Variants in SLC20A2 observed in about 807,000 individuals in gnomAD.
SLC20A2 encodes the protein solute carrier family 20 member 2, also known as sodium-dependent phosphate transporter 2.
In SLC20A2, 30 loss-of-function variants were observed where a neutral mutation model predicts 61.0. The observed-to-expected ratio is 0.49, with a 90% CI of 0.37 to 0.67. SLC20A2 has a LOEUF of 0.67. Ranked by LOEUF, SLC20A2 falls within the 30% of genes least tolerant of loss-of-function variation. The pLI is 0.00. For missense variants in SLC20A2, 626 were observed against 866.4 expected (o/e 0.72, Z 3.48); for synonymous variants, 351 against 353.3 (o/e 0.99, Z 0.07).
intron 1 of SLC20A2, among the ~76,000 whole-genome samples, chr8:42,485,641 T>A (rs1266960195): frequency 8.4e-5 from 3 of 35,602 alleles, no homozygotes; most frequent in Non-Finnish European, 5.0e-5. Flanking sequence ...AAACTCCGTC[T>A]CAAAAAAAAA....
At chr8:42,431,996 AAC>A (rs1197766053) in intron 8 of SLC20A2, among the ~76,000 whole-genome samples, 1 of 152,258 alleles carries the variant, frequency 6.6e-6, no homozygotes, top group Non-Finnish European at 1.5e-5. Flanking sequence ...CCTGTCTGCA[AAC>A]ACAGCATCTG....
chr8:42,504,661 C>T (rs1586224997), upstream of SLC20A2, among the ~76,000 whole-genome samples: 1 of 150,774 alleles, frequency 6.6e-6, no homozygotes, highest in South Asian at 2.1e-4. Context: ...GACCAACATG[C>T]TGAAACCCTG....
At chr8:42,445,027 C>T (rs1805097571) in intron 5 of SLC20A2, among the ~76,000 whole-genome samples, 1 of 152,214 alleles carries the variant, frequency 6.6e-6, no homozygotes, top group Non-Finnish European at 1.5e-5. Context: ...CATGGCGGCT[C>T]ACACCTGTAA....
chr8:42,417,634 G>A lies in SLC20A2; in HGVS notation c.*169C>T, dbSNP rs549773266. 14 of 590,296 alleles carry A rather than the reference G, an allele frequency of 2.4e-5. No homozygotes were observed. The highest frequency in any genetic ancestry group is 2.3e-4 in the East Asian group (8 of 34,822). 36.6% of individuals were successfully genotyped at this position (590,296 alleles called of 1,614,324 possible). ...AGTTAGCTCGGGAAGGTGAGTCTCC[G>A]CAGCCTGGGTGAACAGTGTGGGATG... On this transcript the variant is annotated 3_prime_UTR_variant, in exon 11 of 11. Transcript: ENST00000520262.
chr8:42,447,343 C>T (rs1431439920), intron 5 of SLC20A2, among the ~76,000 whole-genome samples: 4 of 144,748 alleles, frequency 2.8e-5, no homozygotes, highest in Non-Finnish European at 6.0e-5. Flanking sequence ...GAGATCCTGC[C>T]TCAAAAAAAA....
chr8:42,448,147 C>T (rs1167573259), intron 5 of SLC20A2, among the ~76,000 whole-genome samples: 1 of 152,220 alleles, frequency 6.6e-6, no homozygotes, highest in Non-Finnish European at 1.5e-5. Context: ...GACGCCAACA[C>T]CGATCCCACG....
intron 8 of SLC20A2, among the ~76,000 whole-genome samples, chr8:42,434,331 C>T (rs1327699894): frequency 2.0e-5 from 3 of 152,104 alleles, no homozygotes; most frequent in African/African-American, 7.2e-5. Context: ...AGGTGATCCA[C>T]CTGCCTCGGC....
intron 5 of SLC20A2, among the ~76,000 whole-genome samples, chr8:42,445,146 G>T (rs1805111337): frequency 6.6e-6 from 1 of 151,754 alleles, no homozygotes; most frequent in East Asian, 2.0e-4. Flanking sequence ...TCAAAAATTA[G>T]CTGGGCGTGG....
chr8:42,452,250 GGAGGAGGAAGAGATA>G (rs1332754020), intron 5 of SLC20A2, among the ~76,000 whole-genome samples: 5 of 147,542 alleles, frequency 3.4e-5, no homozygotes, highest in East Asian at 2.1e-4. Context: ...GAAATGAAGT[GGAGGAGGAAGAGATA>G]GAGGAGGAAG....
chr8:42,522,049 T>G lies in SLC20A2; in HGVS notation c.-265+19772A>C, dbSNP rs953718869. Among the ~76,000 whole-genome samples, 720 of 121,338 alleles carry G rather than the reference T, an allele frequency of 5.9e-3. 217 individuals are homozygous for G. Among genetic ancestry groups the G allele is most frequent in the Non-Finnish European group, 0.011 (546 of 50,444 alleles). 79.6% of individuals were successfully genotyped at this position (121,338 alleles called of 152,430 possible). A position where few individuals can be genotyped will look rare whatever the true frequency, so the allele number is the denominator to read the frequency against. The stretch of plus-strand genomic sequence containing the variant: ...AAAAACAAAAAGTTTTTTAAAAGTT[T>G]GTGAAGAGGGTTGCCCATTTAGGAG... On this transcript the variant is annotated intron_variant, in intron 1 of 10. Coordinates refer to the SLC20A2 transcript ENST00000342228.
intron 3 of SLC20A2, among the ~76,000 whole-genome samples, chr8:42,465,494 C>T (rs1807083273): frequency 1.3e-5 from 2 of 151,728 alleles, no homozygotes; most frequent in African/African-American, 4.8e-5. Flanking sequence ...GAGATTAAGA[C>T]CATCCTGGCC....
chr8:42,519,099 A>C (rs1382473551), intron 1 of SLC20A2, among the ~76,000 whole-genome samples: 4 of 152,204 alleles, frequency 2.6e-5, no homozygotes, highest in Admixed American at 6.5e-5. Context: ...TGTTCCTGTT[A>C]GTTCAGTGGT....
chr8:42,417,157 T>C lies in SLC20A2; in HGVS notation c.*646A>G, dbSNP rs899309973. 1.3e-5 allele frequency: 2 copies of C among 152,778 alleles called. No homozygotes were observed. Among genetic ancestry groups the C allele is most frequent in the African/African-American group, 4.8e-5 (2 of 41,446 alleles). The allele number at this position is 152,778 out of a possible 1,614,324, so 9.5% of individuals were successfully genotyped here. ...AAAAAAGTATAAGGGAAGCACACCATTAAAAAATTACAGTTTTACGTATTT... is the reference window on the plus strand; with the variant it reads ...AAAAAAGTATAAGGGAAGCACACCACTAAAAAATTACAGTTTTACGTATTT... On this transcript the variant is annotated 3_prime_UTR_variant, in exon 11 of 11. Coordinates refer to ENST00000520262, the MANE Select transcript of SLC20A2 (RefSeq NM_001257180.2).
At chr8:42,524,536 C>T (rs1180403503) in intron 1 of SLC20A2, among the ~76,000 whole-genome samples, 1 of 152,014 alleles carries the variant, frequency 6.6e-6, no homozygotes, top group Non-Finnish European at 1.5e-5. Context: ...CCCTGTAATC[C>T]CAGCATTTTA....
intron 2 of SLC20A2, among the ~76,000 whole-genome samples, chr8:42,467,758 G>C (rs1807295500): frequency 6.6e-6 from 1 of 152,180 alleles, no homozygotes; most frequent in Admixed American, 6.5e-5. Flanking sequence ...CCCATATCAG[G>C]CTCCATGGCA....
At chr8:42,524,012 C>T (rs1203515036) in intron 1 of SLC20A2, among the ~76,000 whole-genome samples, 1 of 152,112 alleles carries the variant, frequency 6.6e-6, no homozygotes, top group Non-Finnish European at 1.5e-5. Context: ...CCTCGAAGAA[C>T]TCAAATAGGA....
At position 42,530,137 on chromosome 8, in the gene SLC20A2, G is replaced by A. The variant is rs1272714684; in HGVS notation, c.-265+11684C>T. ...GGGTCAAAAGAATGAATTTTTTCAG[G>A]TGAAAAATTTACCCAACCTAATTTA... On this transcript the variant is annotated intron_variant, in intron 1 of 10. Coordinates refer to the SLC20A2 transcript ENST00000342228. Among the ~76,000 whole-genome samples, 4 of 151,894 alleles carry A rather than the reference G, an allele frequency of 2.6e-5. No homozygotes were observed. The East Asian group carries it at 7.7e-4, about 29-fold the overall frequency.
intron 4 of SLC20A2, among the ~76,000 whole-genome samples, chr8:42,461,986 G>A (rs562970489): frequency 1.6e-3 from 249 of 152,320 alleles, no homozygotes; most frequent in African/African-American, 5.8e-3. Context: ...AGGCAACTAA[G>A]CAAGAAATGC....
rs1313031785 is a variant in SLC20A2 at position 42,416,685 on chromosome 8, G to A, written c.*1118C>T. On this transcript the variant is annotated 3_prime_UTR_variant, in exon 11 of 11. Coordinates refer to ENST00000520262, the MANE Select transcript of SLC20A2 (RefSeq NM_001257180.2). ...AGAGCCTGGGGGTGTCCAGCTTTGT[G>A]TGGGCCTCAGAGAAATACTCCATCC... is the stretch of plus-strand genomic sequence containing the variant. The A allele has an allele frequency of 6.6e-6, 1 of 152,626 alleles. No homozygotes were observed. Among genetic ancestry groups the A allele is most frequent in the Non-Finnish European group, 1.5e-5 (1 of 68,050 alleles). 9.5% of individuals were successfully genotyped at this position (152,626 alleles called of 1,614,324 possible).
Sources: allele counts gnomAD v4.1 joint callset (sites outside exome capture counted in the v4.1 genomes callset), GRCh38; gene constraint gnomAD v4.1.1; transcripts MANE v1.5; gene names NCBI Gene and HGNC (gene_info 2026-07-23, HGNC 2026-07-21).